The following SLC35D4 variants were observed in gnomAD, a reference collection of about 807,000 sequenced individuals.
The protein encoded by SLC35D4 is solute carrier family 35 member D4.
the SLC35D4 span, among the ~76,000 whole-genome samples, chr18:23,266,415 A>C: frequency 6.6e-6 from 1 of 152,152 alleles, no homozygotes; most frequent in African/African-American, 2.4e-5. Context: ...GCAAAAAAAA[A>C]AAAAAAAACA....
chr18:23,414,222 C>T, the SLC35D4 span, among the ~76,000 whole-genome samples: 1 of 150,604 alleles, frequency 6.6e-6, no homozygotes, highest in Admixed American at 6.6e-5. Context: ...CCACTGCACT[C>T]CAGCCTGAGC....
chr18:23,378,203 T>TTTC, the SLC35D4 span, among the ~76,000 whole-genome samples: 1 of 151,696 alleles, frequency 6.6e-6, no homozygotes, highest in African/African-American at 2.4e-5. Context: ...TTCTTTCTTT[T>TTTC]TTTTTTTTTC....
At chr18:23,367,411 G>A in the SLC35D4 span, among the ~76,000 whole-genome samples, 1 of 152,176 alleles carries the variant, frequency 6.6e-6, no homozygotes, top group Admixed American at 6.5e-5. Flanking sequence ...CAGAGGGTGG[G>A]GGACTGGGGC....
At chr18:23,252,854 C>G in the SLC35D4 span, 2 of 694,936 alleles carry the variant, frequency 2.9e-6, no homozygotes, top group Non-Finnish European at 2.5e-6. Flanking sequence ...GCAAGTTTTC[C>G]CGTTGCTCAT....
At chr18:23,256,566 CA>C in the SLC35D4 span, among the ~76,000 whole-genome samples, 1 of 152,146 alleles carries the variant, frequency 6.6e-6, no homozygotes, top group Admixed American at 6.5e-5. Flanking sequence ...CTGCAACCTC[CA>C]CCTCCCGGGT....
At chr18:23,376,734 A>G in the SLC35D4 span, 1 of 454,412 alleles carries the variant, frequency 2.2e-6, no homozygotes, top group Non-Finnish European at 4.4e-6. Context: ...AGATCACCCC[A>G]AACAGACAAC....
At chr18:23,358,235 T>C in the SLC35D4 span, among the ~76,000 whole-genome samples, 1 of 152,136 alleles carries the variant, frequency 6.6e-6, no homozygotes, top group Non-Finnish European at 1.5e-5. Flanking sequence ...AATGTGATAA[T>C]GAGGAACGGC....
chr18:23,339,408 A>G, the SLC35D4 span, among the ~76,000 whole-genome samples: 1 of 152,240 alleles, frequency 6.6e-6, no homozygotes, highest in South Asian at 2.1e-4. Flanking sequence ...CTGATAATTA[A>G]TAATATAGTT....
chr18:23,294,199 G>GAAAA, the SLC35D4 span, among the ~76,000 whole-genome samples: 1 of 151,922 alleles, frequency 6.6e-6, no homozygotes, highest in Non-Finnish European at 1.5e-5. Flanking sequence ...AGAAATAAAA[G>GAAAA]AAAAAAACCC....
chr18:23,244,864 G>A, the SLC35D4 span, among the ~76,000 whole-genome samples: 3 of 152,208 alleles, frequency 2.0e-5, no homozygotes, highest in South Asian at 4.1e-4. Context: ...CCGAGTGTAC[G>A]GCAAGCTCAC....
At chr18:23,316,393 C>T in the SLC35D4 span, among the ~76,000 whole-genome samples, 3 of 152,172 alleles carry the variant, frequency 2.0e-5, no homozygotes, top group African/African-American at 7.2e-5. Context: ...ACCCATAGAA[C>T]TATTCCAAGT....
At chr18:23,363,973 G>A in the SLC35D4 span, among the ~76,000 whole-genome samples, 1 of 152,176 alleles carries the variant, frequency 6.6e-6, no homozygotes, top group Non-Finnish European at 1.5e-5. Flanking sequence ...CTTTCATATG[G>A]CAAGCGGAGT....
At chr18:23,431,629 C>G in the SLC35D4 span, among the ~76,000 whole-genome samples, 1 of 151,888 alleles carries the variant, frequency 6.6e-6, no homozygotes, top group Non-Finnish European at 1.5e-5. Context: ...ATGATTTTTT[C>G]AAACCAATTC....
the SLC35D4 span, among the ~76,000 whole-genome samples, chr18:23,314,055 G>A: frequency 6.6e-5 from 10 of 152,298 alleles, no homozygotes; most frequent in Admixed American, 2.6e-4. Context: ...CCCTGTGTCC[G>A]ATCTTCCAGG....
the SLC35D4 span, among the ~76,000 whole-genome samples, chr18:23,332,753 TA>T: frequency 8.3e-3 from 1,189 of 143,898 alleles, 14 homozygotes; most frequent in African/African-American, 0.025. Flanking sequence ...AAAAATTGAT[TA>T]AAAAAAAAAA....
the SLC35D4 span, chr18:23,370,370 A>G: frequency 9.5e-7 from 1 of 1,050,764 alleles, no homozygotes; most frequent in South Asian, 1.5e-5. Context: ...CAAAAGCACG[A>G]CTGCTGGTCC....
At chr18:23,280,960 C>A in the SLC35D4 span, among the ~76,000 whole-genome samples, 4 of 152,134 alleles carry the variant, frequency 2.6e-5, no homozygotes, top group Non-Finnish European at 5.9e-5. Flanking sequence ...CCTCTCCCCA[C>A]CCCCAGGTAG....
chr18:23,287,019 C>A, the SLC35D4 span, among the ~76,000 whole-genome samples: 3 of 150,738 alleles, frequency 2.0e-5, no homozygotes, highest in East Asian at 5.8e-4. Context: ...AAAACCTAAT[C>A]ACCCTTACCC....
the SLC35D4 span, among the ~76,000 whole-genome samples, chr18:23,423,056 G>A: frequency 6.6e-6 from 1 of 152,146 alleles, no homozygotes; most frequent in Admixed American, 6.5e-5. Flanking sequence ...GACACATAAA[G>A]TCCTTCGGGA....
Sources: gnomAD v4.1 joint callset for allele counts (sites outside exome capture counted in the v4.1 genomes callset) on GRCh38, gnomAD v4.1.1 for gene constraint, MANE v1.5 for transcripts, NCBI Gene and HGNC (gene_info 2026-07-23, HGNC 2026-07-21) for gene names.